ALOX5AP: variants seen among roughly 807,000 people sequenced by gnomAD.
ALOX5AP encodes arachidonate 5-lipoxygenase-activating protein.
In ALOX5AP, 9 loss-of-function variants were observed where a neutral mutation model predicts 18.5. The observed-to-expected ratio is 0.49, with a 90% CI of 0.29 to 0.85. The LOEUF (loss-of-function observed/expected upper bound fraction) is 0.85. ALOX5AP is among the 40% of genes least tolerant of loss of function. The pLI, the probability that ALOX5AP is intolerant of heterozygous loss-of-function variation, is 0.08. For missense variants in ALOX5AP, 172 were observed against 202.5 expected, an observed-to-expected ratio of 0.85 and a Z score of 0.91; for synonymous variants, 81 against 78.6, an observed-to-expected ratio of 1.03 and a Z score of -0.16.
In ALOX5AP at chr13:30,752,197, G is replaced by A. The variant is rs17239172; in HGVS notation, c.241+75G>A. 1.1e-4 allele frequency: 158 copies of A among 1,499,390 alleles called. No homozygotes were observed. In the African/African-American group the frequency reaches 1.7e-3, roughly 16 times the overall value. The allele number at this position is 1,499,390 out of a possible 1,614,324, so 92.9% of individuals were successfully genotyped here. A position where few individuals can be genotyped will look rare whatever the true frequency, so the allele number is the denominator to read the frequency against. On this transcript the variant is annotated intron_variant, in intron 3 of 4. Coordinates refer to ENST00000380490, the MANE Select transcript of ALOX5AP (RefSeq NM_001629.4). Reference sequence around the variant, plus strand: ...AGGAGGTTCAAAGGGCAGGCTTTTTGTTGAAAGGACTTTGCCTGACCTCTG... The same window carrying A: ...AGGAGGTTCAAAGGGCAGGCTTTTTATTGAAAGGACTTTGCCTGACCTCTG...
chr13:30,713,924 A>G lies in ALOX5AP; in HGVS notation c.116+83A>G, dbSNP rs899791814. The G allele has an allele frequency of 6.2e-6, 9 of 1,446,758 alleles. No individual in the cohort carries two copies. The African/African-American group carries it at 9.9e-5, about 16-fold the overall frequency. 89.6% of individuals were successfully genotyped at this position (1,446,758 alleles called of 1,614,324 possible). A position where few individuals can be genotyped will look rare whatever the true frequency, so the allele number is the denominator to read the frequency against. ...ACAAATTTGACCTGGGCCCAGGGCC[A>G]TGTTCGGTGGTTTTTAAGAACCGAG... On this transcript the variant is annotated intron_variant, in intron 1 of 5. Coordinates refer to the ALOX5AP transcript ENST00000617770.
intron 4 of ALOX5AP, among the ~76,000 whole-genome samples, chr13:30,757,915 C>T (rs1470158776): frequency 6.6e-6 from 1 of 152,132 alleles, no homozygotes; most frequent in Non-Finnish European, 1.5e-5. Context: ...CTTCTTGTGT[C>T]CCTCCCTGGT....
At chr13:30,745,477 C>T (rs773499910) in intron 2 of ALOX5AP, among the ~76,000 whole-genome samples, 10 of 152,222 alleles carry the variant, frequency 6.6e-5, no homozygotes, top group Non-Finnish European at 1.3e-4. Context: ...TTTCTCCATG[C>T]TCCCACGTGC....
In ALOX5AP at chr13:30,744,123, C is replaced by T; in HGVS notation, c.134C>T (p.Thr45Ile). The T allele has an allele frequency of 6.2e-7, 1 of 1,614,038 alleles. No individual in the cohort carries two copies. Among genetic ancestry groups the T allele is most frequent in the Non-Finnish European group, 8.5e-7 (1 of 1,179,974 alleles). ...CAGAATGGGAGGAGCTTCCAGAGGACCGGAACACTTGCCTTTGAGCGGGTC... is the reference window on the plus strand; with the variant it reads ...CAGAATGGGAGGAGCTTCCAGAGGATCGGAACACTTGCCTTTGAGCGGGTC... ...RTQNGRSFQR[T>I]GTLAFERVYT... Residue 45 changes from threonine (T) to isoleucine (I), a missense_variant, in exon 2 of 5, where the codon ACC (threonine) becomes ATC (isoleucine). Transcript: ENST00000380490.
intron 1 of ALOX5AP, among the ~76,000 whole-genome samples, chr13:30,740,833 A>G (rs1024478850): frequency 6.6e-6 from 1 of 152,304 alleles, no homozygotes; most frequent in East Asian, 1.9e-4. Flanking sequence ...GACAGGGTCA[A>G]GATCACAGTT....
upstream of ALOX5AP, chr13:30,735,413 CA>C: frequency 1.6e-6 from 2 of 1,259,006 alleles, no homozygotes; most frequent in Non-Finnish European, 2.1e-6. Flanking sequence ...GAACCACAGC[CA>C]GGGCATTTTG....
intron 1 of ALOX5AP, among the ~76,000 whole-genome samples, chr13:30,721,595 C>T (rs1301834491): frequency 6.6e-6 from 1 of 152,162 alleles, no homozygotes; most frequent in Non-Finnish European, 1.5e-5. Context: ...CTGGAACAGA[C>T]CCCAGCTGCT....
At chr13:30,762,536 C>T (rs1951950199) in intron 4 of ALOX5AP, among the ~76,000 whole-genome samples, 1 of 151,248 alleles carries the variant, frequency 6.6e-6, no homozygotes, top group African/African-American at 2.4e-5. Flanking sequence ...TTGCAGTGAT[C>T]TGAGATCGTG....
chr13:30,725,330 G>T (rs568026699), intron 1 of ALOX5AP, among the ~76,000 whole-genome samples: 2 of 152,364 alleles, frequency 1.3e-5, no homozygotes, highest in Admixed American at 6.5e-5. Flanking sequence ...CCAAAGAGCA[G>T]CCACAACAGA....
intron 1 of ALOX5AP, among the ~76,000 whole-genome samples, chr13:30,718,670 C>T (rs1161809597): frequency 6.6e-6 from 1 of 152,184 alleles, no homozygotes; most frequent in African/African-American, 2.4e-5. Flanking sequence ...TCTCTTCATT[C>T]CACAAAGCTC....
At chr13:30,751,340 G>A (rs17245547) in intron 2 of ALOX5AP, among the ~76,000 whole-genome samples, 83 of 152,300 alleles carry the variant, frequency 5.4e-4, no homozygotes, top group African/African-American at 1.9e-3. Flanking sequence ...GGGATTACAA[G>A]GCGTGTTGTT....
chr13:30,741,047 T>C (rs966219440), intron 1 of ALOX5AP, among the ~76,000 whole-genome samples: 2 of 148,314 alleles, frequency 1.3e-5, no homozygotes, highest in Non-Finnish European at 3.0e-5. Flanking sequence ...GATGCTCAAG[T>C]CCCTGATATA....
rs9652070 is a variant in ALOX5AP at position 30,748,222 on chromosome 13, G to C, written c.171-3830G>C. Among the ~76,000 whole-genome samples, 664 of 152,242 alleles carry C rather than the reference G, an allele frequency of 4.4e-3. 4 individuals carry two copies. Among genetic ancestry groups the C allele is most frequent in the Middle Eastern group, 0.014 (4 of 294 alleles). On this transcript the variant is annotated intron_variant, in intron 2 of 4. Coordinates refer to ENST00000380490, the MANE Select transcript of ALOX5AP (RefSeq NM_001629.4). Reference sequence around the variant, plus strand: ...ACGTGAGCCACTGGTGCCTGGCCTAGACTCACTTTCAAGTGGCATAGACTT... The same window carrying C: ...ACGTGAGCCACTGGTGCCTGGCCTACACTCACTTTCAAGTGGCATAGACTT...
At chr13:30,745,793 C>T (rs1409156584) in intron 2 of ALOX5AP, among the ~76,000 whole-genome samples, 1 of 152,196 alleles carries the variant, frequency 6.6e-6, no homozygotes. Flanking sequence ...AAGAAGGTGT[C>T]TTTGATGAGG....
intron 2 of ALOX5AP, among the ~76,000 whole-genome samples, chr13:30,745,441 T>C (rs748605834): frequency 2.6e-5 from 4 of 152,192 alleles, no homozygotes; most frequent in Non-Finnish European, 5.9e-5. Flanking sequence ...ACAGTGCTGC[T>C]ACAGTGGGCC....
chr13:30,755,554 C>CA (rs1477821358), intron 3 of ALOX5AP, among the ~76,000 whole-genome samples: 1 of 152,152 alleles, frequency 6.6e-6, no homozygotes, highest in Non-Finnish European at 1.5e-5. Context: ...CCCTGAGCCA[C>CA]ACTGGAAGAA....
Position 30,744,139 on chromosome 13 carries a change from T to G in ALOX5AP, c.150T>G (p.Phe50Leu), listed in dbSNP as rs1302091419. 1.2e-6 allele frequency: 2 copies of G among 1,613,950 alleles called. No individual in the cohort carries two copies. The highest frequency in any genetic ancestry group is 2.2e-5 in the East Asian group (1 of 44,856). The change falls in exon 2 of 5, where the codon TTT (phenylalanine) becomes TTG (leucine). Residue 50 changes from phenylalanine to leucine, a missense_variant. Coordinates refer to ENST00000380490, the MANE Select transcript of ALOX5AP (RefSeq NM_001629.4). ...RSFQRTGTLA[F>L]ERVYTANQNC... ...TCCAGAGGACCGGAACACTTGCCTT[T>G]GAGCGGGTCTACACTGCCAAGTGAG...
intron 2 of ALOX5AP, among the ~76,000 whole-genome samples, chr13:30,750,736 C>A (rs1951845617): frequency 6.6e-6 from 1 of 152,190 alleles, no homozygotes; most frequent in South Asian, 2.1e-4. Context: ...GGCAGCTAGC[C>A]AGTTGGCCTT....
chr13:30,742,633 C>G (rs1593437302), intron 1 of ALOX5AP: 1 of 152,136 alleles, frequency 6.6e-6, no homozygotes, highest in East Asian at 1.9e-4. Flanking sequence ...GGGCACATTC[C>G]TACAGAAGGA....
Sources: allele counts gnomAD v4.1 joint callset (sites outside exome capture counted in the v4.1 genomes callset), GRCh38; gene constraint gnomAD v4.1.1; transcripts MANE v1.5; gene names NCBI Gene and HGNC (gene_info 2026-07-23, HGNC 2026-07-21).